The following ASAP3 variants were observed in gnomAD, a reference collection of about 807,000 sequenced individuals.
The protein encoded by ASAP3 is ArfGAP with SH3 domain, ankyrin repeat and PH domain 3.
In ASAP3, 85 loss-of-function variants were observed where a neutral mutation model predicts 118.2. The observed-to-expected ratio is 0.72, with a 90% confidence interval of 0.60 to 0.86. ASAP3 has a LOEUF of 0.86. Ranked by LOEUF, ASAP3 falls within the 40% of genes least tolerant of loss-of-function variation. ASAP3 has a pLI of 0.00. For synonymous variants in ASAP3, 432 were observed against 477.4 expected (o/e 0.90, Z 1.24); for missense variants, 1,026 against 1,175.0 (o/e 0.87, Z 1.85).
chr1:23,480,035 G>A (rs1204032581), intron 1 of ASAP3: 1 of 152,024 alleles, frequency 6.6e-6, no homozygotes, highest in African/African-American at 2.4e-5. Context: ...TTAAGCCGGC[G>A]CCAGTAATCC....
Position 23,456,273 on chromosome 1 carries a change from T to C in ASAP3, c.130-79A>G, listed in dbSNP as rs536430560. ...TCCTTCAGGAACGCTGTATCTATGA[T>C]TTCCACCCCCCAACCGCCCTCCAAA... is the stretch of plus-strand genomic sequence containing the variant. On this transcript the variant is annotated intron_variant, in intron 1 of 24. Coordinates refer to ENST00000336689, the MANE Select transcript of ASAP3 (RefSeq NM_017707.4). 4 of 1,374,172 alleles carry C rather than the reference T, an allele frequency of 2.9e-6. No individual in the cohort carries two copies. The African/African-American group carries it at 4.3e-5, about 15-fold the overall frequency. 85.1% of individuals were successfully genotyped at this position (1,374,172 alleles called of 1,614,324 possible).
chr1:23,478,038 C>A (rs1273953082), intron 1 of ASAP3, among the ~76,000 whole-genome samples: 3 of 151,916 alleles, frequency 2.0e-5, no homozygotes, highest in Non-Finnish European at 4.4e-5. Flanking sequence ...CAGGGCCAAC[C>A]CCATCCATTC....
chr1:23,437,233 C>T lies in ASAP3; in HGVS notation c.1239G>A (p.Gly413=). The change falls in exon 14 of 25, where the codon GGG becomes GGA. Residue 413 remains glycine (G), a synonymous_variant. Transcript: ENST00000336689. This position sits in a 1 kb window ranked among gnomAD's most constrained non-coding sequence, Gnocchi z 6.1. The stretch of plus-strand genomic sequence containing the variant: ...GCGGCTCCCCATCATGGCCGGCGGA[C>T]CCCCAGGACCCCGGGCCAGCGCTGG... ...GEPSAGPGSW[G]SAGHDGEPHD... is the part of the protein sequence containing the mutation. 6.3e-6 allele frequency: 10 copies of T among 1,591,548 alleles called. No homozygotes were observed. The highest frequency in any genetic ancestry group is 8.6e-6 in the Non-Finnish European group (10 of 1,169,354).
intron 1 of ASAP3, among the ~76,000 whole-genome samples, chr1:23,478,395 GT>G (rs1188472459): frequency 6.6e-6 from 1 of 152,174 alleles, no homozygotes; most frequent in Admixed American, 6.5e-5. Context: ...AACCTGGGAA[GT>G]GGAGGTTGCA....
At chr1:23,470,013 C>A (rs1460618661) in intron 1 of ASAP3, among the ~76,000 whole-genome samples, 4 of 152,174 alleles carry the variant, frequency 2.6e-5, no homozygotes, top group Non-Finnish European at 2.9e-5. Flanking sequence ...CAGAAACATT[C>A]TGAGAGAATG....
chr1:23,441,599 T>A, intron 8 of ASAP3, 56 bp downstream of exon 8: 1 of 1,608,972 alleles, frequency 6.2e-7, no homozygotes, highest in Admixed American at 1.7e-5. Flanking sequence ...CACCCACAGA[T>A]TTTCCTGGAA....
chr1:23,448,419 G>T (rs1641112357), intron 5 of ASAP3, among the ~76,000 whole-genome samples: 1 of 152,060 alleles, frequency 6.6e-6, no homozygotes, highest in Non-Finnish European at 1.5e-5. Context: ...CTGGCACAAA[G>T]GAAACTCTAA....
At chr1:23,451,448 C>T in intron 5 of ASAP3, 31 bp downstream of exon 5, 3 of 1,610,198 alleles carry the variant, frequency 1.9e-6, no homozygotes, top group Non-Finnish European at 1.7e-6. Context: ...GCTACTCTCC[C>T]AGACAAACGA....
intron 11 of ASAP3, 74 bp downstream of exon 11, chr1:23,439,087 G>T: frequency 1.3e-6 from 2 of 1,561,998 alleles, no homozygotes; most frequent in Non-Finnish European, 8.8e-7. Context: ...GGGAGGGCTT[G>T]ACATTATTTG....
chr1:23,475,376 C>T (rs1263739356), intron 1 of ASAP3, among the ~76,000 whole-genome samples: 10 of 152,222 alleles, frequency 6.6e-5, no homozygotes, highest in Admixed American at 6.5e-4. Context: ...CCCAGTTTTC[C>T]AACTTCCCAG....
intron 1 of ASAP3, among the ~76,000 whole-genome samples, chr1:23,468,013 A>ACAGTTTG (rs1227080959): frequency 9.9e-5 from 15 of 152,038 alleles, no homozygotes; most frequent in Admixed American, 9.8e-4. Flanking sequence ...ATAGAGCTTT[A>ACAGTTTG]CAGTTTGTAA....
chr1:23,429,287 C>T lies in ASAP3; in HGVS notation c.*569G>A, dbSNP rs1455282104. 8 of 152,922 alleles carry T rather than the reference C, an allele frequency of 5.2e-5. No homozygotes were observed. The highest frequency in any genetic ancestry group is 1.7e-4 in the African/African-American group (7 of 41,458). The allele number at this position is 152,922 out of a possible 1,614,324, so 9.5% of individuals were successfully genotyped here. On this transcript the variant is annotated 3_prime_UTR_variant, in exon 25 of 25. Coordinates refer to ENST00000336689, the MANE Select transcript of ASAP3 (RefSeq NM_017707.4). Reference sequence around the variant, plus strand: ...GCCATGCCCTGGAATCTGACCCTGCCTATTCCCAAGCCCAACCCTTAAGAC... The same window carrying T: ...GCCATGCCCTGGAATCTGACCCTGCTTATTCCCAAGCCCAACCCTTAAGAC...
At chr1:23,464,259 T>C (rs1467768588) in intron 1 of ASAP3, among the ~76,000 whole-genome samples, 1 of 151,314 alleles carries the variant, frequency 6.6e-6, no homozygotes, top group Non-Finnish European at 1.5e-5. Context: ...TGATCTCGGC[T>C]CACTGCAACC....
intron 22 of ASAP3, 135 bp downstream of exon 22, chr1:23,432,942 G>A (rs1453491635): frequency 4.4e-6 from 4 of 903,046 alleles, no homozygotes; most frequent in Non-Finnish European, 5.0e-6. Context: ...TCTGTAAGGG[G>A]AAGATGAGAA....
At position 23,436,164 on chromosome 1, in the gene ASAP3, T is replaced by C; in HGVS notation, c.1572-136A>G. 2.1e-6 allele frequency: 2 copies of C among 968,942 alleles called. No individual in the cohort carries two copies. The highest frequency in any genetic ancestry group is 3.0e-6 in the Non-Finnish European group (2 of 658,100). 60.0% of individuals were successfully genotyped at this position (968,942 alleles called of 1,614,324 possible). On this transcript the variant is annotated intron_variant, in intron 16 of 24. Transcript: ENST00000336689. This position sits in a 1 kb window ranked among gnomAD's most constrained non-coding sequence, Gnocchi z 4.2. ...AAGACGTCTAGATCTGAGGCTCCCC[T>C]CTCCCCAGGCTTTTTTTTTAGACAG...
chr1:23,450,004 C>T (rs1382215238), intron 5 of ASAP3, among the ~76,000 whole-genome samples: 1 of 152,242 alleles, frequency 6.6e-6, no homozygotes, highest in South Asian at 2.1e-4. Context: ...ACTACCCGTC[C>T]CTGGGCCTCC....
chr1:23,441,226 T>C lies in ASAP3; in HGVS notation c.835-15A>G, dbSNP rs759964781. On this transcript the variant is annotated splice_polypyrimidine_tract_variant and intron_variant, in intron 9 of 24. Coordinates refer to ENST00000336689, the MANE Select transcript of ASAP3 (RefSeq NM_017707.4). ...CTCAGGTGTTCCTGTCCCTCGGACA[T>C]GCAAAGGAGACCTCAGGGCATCTCA... is the stretch of plus-strand genomic sequence containing the variant. 52 of 1,613,720 alleles carry C rather than the reference T, an allele frequency of 3.2e-5. No homozygotes were observed. Among genetic ancestry groups the C allele is most frequent in the Non-Finnish European group, 4.1e-5 (48 of 1,179,772 alleles).
rs371483919 is a variant in ASAP3 at position 23,429,817 on chromosome 1, T to C, written c.*39A>G. 1.0e-4 allele frequency: 164 copies of C among 1,598,992 alleles called. 1 individual carries two copies. The highest frequency in any genetic ancestry group is 4.5e-4 in the South Asian group (40 of 89,368). ...TGAGCTCAAGTCCCAGCTCTGAACATTGGGGCCTAGCATGGGGCATGTGGG... is the reference window on the plus strand; with the variant it reads ...TGAGCTCAAGTCCCAGCTCTGAACACTGGGGCCTAGCATGGGGCATGTGGG... On this transcript the variant is annotated 3_prime_UTR_variant, in exon 25 of 25. Transcript: ENST00000336689.
chr1:23,442,411 A>ACCTGAGCTGAGGCTGTGACTGGTC, intron 6 of ASAP3, 90 bp downstream of exon 6: 1 of 1,593,940 alleles, frequency 6.3e-7, no homozygotes, highest in Non-Finnish European at 8.6e-7. Flanking sequence ...TGTGGCCAGG[A>ACCTGAGCTGAGGCTGTGACTGGTC]CCTGAGCTGA....
Sources: gnomAD v4.1 joint callset for allele counts (sites outside exome capture counted in the v4.1 genomes callset) on GRCh38, gnomAD v4.1.1 for gene constraint, Gnocchi (gnomAD v3.1) non-coding constraint, MANE v1.5 for transcripts, NCBI Gene and HGNC (gene_info 2026-07-23, HGNC 2026-07-21) for gene names.